NXPE4: variants seen among roughly 807,000 people sequenced by gnomAD.
The protein encoded by NXPE4 is neurexophilin and PC-esterase domain family member 4.
A neutral mutation model predicts 33.3 loss-of-function variants in NXPE4; 42 were observed. The ratio of observed to expected loss-of-function variants is 1.26; its 90% CI spans 0.98 to 1.63. The LOEUF is 1.63. NXPE4 is among the 40% of genes most tolerant of loss of function. The probability of loss-of-function intolerance (pLI) is 0.00; values close to 1 mark genes in which losing one functional copy is unlikely to be tolerated. For missense variants in NXPE4, 709 were observed against 647.6 expected, an observed-to-expected ratio of 1.09 and a Z score of -1.03; for synonymous variants, 253 against 234.9, an observed-to-expected ratio of 1.08 and a Z score of -0.71.
the NXPE4 span, among the ~76,000 whole-genome samples, chr11:114,610,931 G>A: frequency 2.7e-5 from 4 of 150,874 alleles, no homozygotes; most frequent in South Asian, 2.1e-4. Context: ...GTATTGCCTC[G>A]TGGGTAACCA....
the NXPE4 span, among the ~76,000 whole-genome samples, chr11:114,615,867 T>A: frequency 1.3e-5 from 2 of 151,596 alleles, no homozygotes; most frequent in Non-Finnish European, 2.9e-5. Context: ...GTGTAAGCAC[T>A]GTGACCTGGT....
At chr11:114,641,416 T>A in the NXPE4 span, among the ~76,000 whole-genome samples, 4 of 152,048 alleles carry the variant, frequency 2.6e-5, no homozygotes, top group South Asian at 8.3e-4. Flanking sequence ...AAATTCATCA[T>A]TTAAATGTAA....
the NXPE4 span, among the ~76,000 whole-genome samples, chr11:114,620,499 G>A: frequency 6.6e-6 from 1 of 151,558 alleles, no homozygotes; most frequent in Non-Finnish European, 1.5e-5. Flanking sequence ...GATAATAAGT[G>A]TTGCCTCTAG....
the NXPE4 span, among the ~76,000 whole-genome samples, chr11:114,670,420 C>T: frequency 2.6e-5 from 4 of 152,024 alleles, no homozygotes; most frequent in African/African-American, 9.7e-5. Flanking sequence ...GCAGGCCAAG[C>T]GCAGTGGCTC....
chr11:114,650,051 C>A, the NXPE4 span, among the ~76,000 whole-genome samples: 1 of 152,078 alleles, frequency 6.6e-6, no homozygotes, highest in African/African-American at 2.4e-5. Flanking sequence ...ACTTCAAAAA[C>A]ACTGCTTCCA....
At chr11:114,626,275 A>T in the NXPE4 span, among the ~76,000 whole-genome samples, 2 of 152,334 alleles carry the variant, frequency 1.3e-5, no homozygotes, top group South Asian at 2.1e-4. Flanking sequence ...TAAATGTCCC[A>T]GTCTGACAGC....
the NXPE4 span, among the ~76,000 whole-genome samples, chr11:114,668,214 C>T: frequency 6.6e-6 from 1 of 151,994 alleles, no homozygotes; most frequent in Admixed American, 6.6e-5. Flanking sequence ...CAAACCTTAG[C>T]TGCTTTCCTA....
At chr11:114,632,756 A>G in the NXPE4 span, among the ~76,000 whole-genome samples, 4 of 57,750 alleles carry the variant, frequency 6.9e-5, no homozygotes, top group Non-Finnish European at 8.9e-5. Flanking sequence ...ATTATAATAT[A>G]TCATATATTA....
the NXPE4 span, among the ~76,000 whole-genome samples, chr11:114,625,960 T>A: frequency 6.6e-6 from 1 of 151,888 alleles, no homozygotes; most frequent in Non-Finnish European, 1.5e-5. Flanking sequence ...ATACTGCACT[T>A]TTCCGATGGG....
the NXPE4 span, among the ~76,000 whole-genome samples, chr11:114,632,993 A>T: frequency 9.6e-6 from 1 of 103,658 alleles, no homozygotes; most frequent in African/African-American, 4.1e-5. Flanking sequence ...TTTTTATATA[A>T]TATATAATAA....
the NXPE4 span, among the ~76,000 whole-genome samples, chr11:114,636,078 G>A: frequency 9.4e-6 from 1 of 106,444 alleles, no homozygotes; most frequent in Non-Finnish European, 1.9e-5. Context: ...GAATTCGACT[G>A]TGAATCCATC....
At chr11:114,676,118 C>T in the NXPE4 span, among the ~76,000 whole-genome samples, 1 of 151,906 alleles carries the variant, frequency 6.6e-6, no homozygotes, top group African/African-American at 2.4e-5. Context: ...GGATTAAAGA[C>T]TTAAACATAG....
chr11:114,640,884 T>G, the NXPE4 span, among the ~76,000 whole-genome samples: 1 of 152,068 alleles, frequency 6.6e-6, no homozygotes, highest in South Asian at 2.1e-4. Context: ...GTTACAAATA[T>G]TTTCTCTCAT....
the NXPE4 span, among the ~76,000 whole-genome samples, chr11:114,666,998 A>G: frequency 6.6e-6 from 1 of 152,146 alleles, no homozygotes; most frequent in African/African-American, 2.4e-5. Flanking sequence ...AGGTTTGAAC[A>G]TTAATCAACA....
chr11:114,606,292 T>TCTTC, the NXPE4 span, among the ~76,000 whole-genome samples: 1 of 151,456 alleles, frequency 6.6e-6, no homozygotes, highest in South Asian at 2.1e-4. Context: ...GGATAATAAA[T>TCTTC]GTTGCCTCAT....
chr11:114,587,474 CT>C (rs1408929742), intron 2 of NXPE4, among the ~76,000 whole-genome samples: 1 of 152,220 alleles, frequency 6.6e-6, no homozygotes, highest in African/African-American at 2.4e-5. Context: ...CAAGATCCAT[CT>C]ATTGGAGAGT....
chr11:114,601,039 T>G, the NXPE4 span, among the ~76,000 whole-genome samples: 1 of 152,050 alleles, frequency 6.6e-6, no homozygotes, highest in Non-Finnish European at 1.5e-5. Flanking sequence ...AGTTGCCATC[T>G]GTACAAGTTT....
At chr11:114,605,150 T>C in the NXPE4 span, among the ~76,000 whole-genome samples, 8 of 150,710 alleles carry the variant, frequency 5.3e-5, no homozygotes, top group Non-Finnish European at 7.4e-5. Flanking sequence ...AAGCACTGTT[T>C]CCCAGGGATA....
chr11:114,650,893 C>T, the NXPE4 span, among the ~76,000 whole-genome samples: 4 of 152,068 alleles, frequency 2.6e-5, no homozygotes, highest in East Asian at 5.8e-4. Flanking sequence ...CGGCAAGCTG[C>T]AGCTGGTGGA....
Sources: allele counts gnomAD v4.1 joint callset (sites outside exome capture counted in the v4.1 genomes callset), GRCh38; gene constraint gnomAD v4.1.1; transcripts MANE v1.5; gene names NCBI Gene and HGNC (gene_info 2026-07-23, HGNC 2026-07-21).